PACRG: variants seen among roughly 807,000 people sequenced by gnomAD.
PACRG encodes the protein parkin coregulated gene protein.
Under a neutral mutation model 29.7 loss-of-function variants are expected in PACRG, and 29 were observed. The ratio of observed to expected loss-of-function variants is 0.98; its 90% confidence interval spans 0.73 to 1.33. PACRG has a LOEUF of 1.33. PACRG is among the 40% of genes most tolerant of loss of function. The pLI, the probability that PACRG is intolerant of heterozygous loss-of-function variation, is 0.00. For synonymous variants in PACRG, 116 were observed against 118.7 expected (o/e 0.98, Z 0.15); for missense variants, 279 against 316.2 (o/e 0.88, Z 0.89).
chr6:162,746,476 C>A (rs898208239), intron 1 of PACRG, among the ~76,000 whole-genome samples: 1 of 152,028 alleles, frequency 6.6e-6, no homozygotes. Context: ...TGATGGATGC[C>A]TCTGTTTATG....
upstream of PACRG, chr6:162,727,325 C>CGGCGGCGGGGCGAAGGTGAGGGGG (rs1260656754): frequency 2.6e-6 from 1 of 378,212 alleles, no homozygotes; most frequent in Admixed American, 4.9e-5. Context: ...AGGTGAGGGG[C>CGGCGGCGGGGCGAAGGTGAGGGGG]GGCGGCGGGG....
At chr6:162,901,720 T>G (rs1795571282) in intron 2 of PACRG, among the ~76,000 whole-genome samples, 1 of 152,224 alleles carries the variant, frequency 6.6e-6, no homozygotes, top group South Asian at 2.1e-4. Flanking sequence ...TTGTGCAAAT[T>G]TGTTAAACAC....
intron 2 of PACRG, among the ~76,000 whole-genome samples, chr6:162,951,488 C>T (rs1307228710): frequency 6.6e-6 from 1 of 152,142 alleles, no homozygotes; most frequent in Non-Finnish European, 1.5e-5. Context: ...GGATTCTCAG[C>T]CACAGTCTGT....
chr6:163,026,963 T>C (rs1256917703), intron 2 of PACRG, among the ~76,000 whole-genome samples: 2 of 152,198 alleles, frequency 1.3e-5, no homozygotes, highest in Admixed American at 6.5e-5. Context: ...AGGTTATTGT[T>C]CATCAGTTCT....
At chr6:163,005,956 A>ATAT (rs1264068132) in intron 2 of PACRG, among the ~76,000 whole-genome samples, 1 of 141,368 alleles carries the variant, frequency 7.1e-6, no homozygotes, top group African/African-American at 2.8e-5. Flanking sequence ...TATACATGTT[A>ATAT]TGTGTATAAC....
At chr6:162,780,435 C>G (rs916918644) in intron 1 of PACRG, among the ~76,000 whole-genome samples, 2 of 151,950 alleles carry the variant, frequency 1.3e-5, no homozygotes, top group Non-Finnish European at 2.9e-5. Context: ...TAACCATGAT[C>G]CAAAGAAATT....
At chr6:163,000,129 T>A (rs941498546) in intron 2 of PACRG, among the ~76,000 whole-genome samples, 4 of 152,148 alleles carry the variant, frequency 2.6e-5, no homozygotes, top group African/African-American at 7.2e-5. Flanking sequence ...GAGGTAGCAG[T>A]CAACTGAGTC....
At position 163,095,251 on chromosome 6, in the gene PACRG, C is replaced by T. The variant is rs747792255; in HGVS notation, c.613+5843C>T. 2.0e-5 allele frequency: 20 copies of T among 984,928 alleles called. No individual in the cohort carries two copies. The African/African-American group carries it at 2.8e-4, about 14-fold the overall frequency. 61.0% of individuals were successfully genotyped at this position (984,928 alleles called of 1,614,324 possible). On this transcript the variant is annotated intron_variant, in intron 4 of 4. Coordinates refer to ENST00000366888, the MANE Select transcript of PACRG (RefSeq NM_001080379.2). The stretch of plus-strand genomic sequence containing the variant: ...CTGCTACATTTGAGTCTATTTTCAA[C>T]CCAAATCCACTTATAAAAAGCATCA...
At chr6:162,904,029 C>T (rs992406334) in intron 2 of PACRG, among the ~76,000 whole-genome samples, 94 of 152,250 alleles carry the variant, frequency 6.2e-4, no homozygotes, top group African/African-American at 2.2e-3. Context: ...CTCTTGAGTC[C>T]GAAATCCGCA....
At chr6:162,801,660 G>A (rs1785887226) in intron 1 of PACRG, among the ~76,000 whole-genome samples, 3 of 152,046 alleles carry the variant, frequency 2.0e-5, no homozygotes, top group African/African-American at 7.2e-5. Context: ...AGAAACCTTA[G>A]ATTTTCAACC....
chr6:163,273,134 C>A (rs1013216818), intron 4 of PACRG, among the ~76,000 whole-genome samples: 1 of 146,438 alleles, frequency 6.8e-6, no homozygotes, highest in African/African-American at 2.8e-5. Flanking sequence ...ACCTCGTGAT[C>A]CGCCCGCCTC....
chr6:163,107,962 C>A (rs1430230630), intron 4 of PACRG, among the ~76,000 whole-genome samples: 1 of 152,134 alleles, frequency 6.6e-6, no homozygotes. Context: ...ATATAGGAAT[C>A]CTGCTTTCCT....
intron 4 of PACRG, among the ~76,000 whole-genome samples, chr6:163,226,408 A>T (rs1781799437): frequency 6.6e-6 from 1 of 152,266 alleles, no homozygotes; most frequent in South Asian, 2.1e-4. Flanking sequence ...AATAAGCTTG[A>T]TGTAATCATC....
chr6:163,132,277 A>G (rs901803294), intron 4 of PACRG, among the ~76,000 whole-genome samples: 2 of 152,184 alleles, frequency 1.3e-5, no homozygotes, highest in Non-Finnish European at 1.5e-5. Flanking sequence ...ATTCCTTTGA[A>G]TTTACTCATC....
chr6:163,165,501 T>G (rs1186420236), intron 4 of PACRG: 1 of 152,376 alleles, frequency 6.6e-6, no homozygotes, highest in South Asian at 2.1e-4. Flanking sequence ...GAGGAACCAG[T>G]ACCAAGAATA....
chr6:162,799,883 A>T (rs2128339107), intron 1 of PACRG, among the ~76,000 whole-genome samples: 1 of 152,340 alleles, frequency 6.6e-6, no homozygotes, highest in Admixed American at 6.5e-5. Flanking sequence ...CACAGAAGAT[A>T]TATGTTTAGA....
At chr6:162,941,689 T>G (rs1010894756) in intron 2 of PACRG, among the ~76,000 whole-genome samples, 2 of 152,202 alleles carry the variant, frequency 1.3e-5, no homozygotes, top group African/African-American at 4.8e-5. Context: ...CTTTATTTAA[T>G]CATGCTACAT....
intron 2 of PACRG, among the ~76,000 whole-genome samples, chr6:163,032,850 C>A (rs973053565): frequency 2.0e-5 from 3 of 152,130 alleles, no homozygotes; most frequent in African/African-American, 7.2e-5. Context: ...CCTTTTATAA[C>A]CCTTTACAAA....
intron 4 of PACRG, among the ~76,000 whole-genome samples, chr6:163,196,947 ATAG>A (rs1780482201): frequency 6.6e-6 from 1 of 151,824 alleles, no homozygotes; most frequent in Non-Finnish European, 1.5e-5. Context: ...AGATAGATAG[ATAG>A]ATAGATAGAT....
Sources: allele counts gnomAD v4.1 joint callset (sites outside exome capture counted in the v4.1 genomes callset), GRCh38; gene constraint gnomAD v4.1.1; transcripts MANE v1.5; gene names NCBI Gene and HGNC (gene_info 2026-07-23, HGNC 2026-07-21).